Variants in PARD3B observed in about 807,000 individuals in gnomAD.
PARD3B encodes par-3 family cell polarity regulator beta.
Under a neutral mutation model 130.2 loss-of-function variants are expected in PARD3B, and 103 were observed. That is an observed-to-expected ratio of 0.79 (90% CI 0.67 to 0.93). The LOEUF (loss-of-function observed/expected upper bound fraction) is 0.93, where lower values mean the gene tolerates loss of function less well. Ranked by LOEUF, PARD3B falls within the 40% of genes least tolerant of loss-of-function variation. PARD3B has a pLI of 0.00. For missense variants in PARD3B, 1,609 were observed against 1,499.2 expected (o/e 1.07, Z -1.21); for synonymous variants, 583 against 553.2 (o/e 1.05, Z -0.76).
chr2:205,017,078 C>T (rs1696204378), intron 3 of PARD3B, among the ~76,000 whole-genome samples: 1 of 152,000 alleles, frequency 6.6e-6, no homozygotes, highest in Non-Finnish European at 1.5e-5. Context: ...TGCAGATAGT[C>T]TACTATGCAT....
intron 10 of PARD3B, among the ~76,000 whole-genome samples, chr2:205,154,958 G>A (rs1282840552): frequency 6.6e-6 from 1 of 151,990 alleles, no homozygotes; most frequent in Non-Finnish European, 1.5e-5. Context: ...ACAAATTAAT[G>A]GGTGCAGCAC....
intron 20 of PARD3B, among the ~76,000 whole-genome samples, chr2:205,486,681 G>A (rs2049455363): frequency 6.6e-6 from 1 of 151,982 alleles, no homozygotes; most frequent in African/African-American, 2.4e-5. Context: ...GAGGAAAGGC[G>A]CTACACACTT....
intron 19 of PARD3B, among the ~76,000 whole-genome samples, chr2:205,427,616 A>T (rs1160271913): frequency 1.3e-5 from 2 of 152,206 alleles, no homozygotes; most frequent in East Asian, 3.8e-4. Context: ...TTAAAGAAAC[A>T]AATATAGTTA....
chr2:205,029,824 G>A (rs1394423938), intron 3 of PARD3B, among the ~76,000 whole-genome samples: 1 of 152,176 alleles, frequency 6.6e-6, no homozygotes, highest in Non-Finnish European at 1.5e-5. Context: ...GGCTGTGGAA[G>A]TGTATTACCA....
rs148961052 is a variant in PARD3B at position 205,235,887 on chromosome 2, A to G, written c.2141-9891A>G. 6.4e-3 allele frequency among the ~76,000 whole-genome samples: 978 copies of G among 152,332 alleles called. 12 individuals are homozygous for G. Among genetic ancestry groups the G allele is most frequent in the African/African-American group, 0.022 (918 of 41,570 alleles). On this transcript the variant is annotated intron_variant, in intron 15 of 22. Coordinates refer to ENST00000406610, the MANE Select transcript of PARD3B (RefSeq NM_001302769.2). Reference sequence around the variant, plus strand: ...GAAATAAAAATTAGAGCAGAAATCAATGCGTTAGAAAAAATTTGGTAAAGT... The same window carrying G: ...GAAATAAAAATTAGAGCAGAAATCAGTGCGTTAGAAAAAATTTGGTAAAGT...
chr2:205,119,853 T>C (rs2125615974), intron 7 of PARD3B, among the ~76,000 whole-genome samples: 1 of 152,278 alleles, frequency 6.6e-6, no homozygotes, highest in South Asian at 2.1e-4. Context: ...GTTAAGGGAA[T>C]AGCTTCCTGT....
intron 18 of PARD3B, among the ~76,000 whole-genome samples, chr2:205,319,734 C>T (rs934332463): frequency 6.6e-6 from 1 of 152,164 alleles, no homozygotes; most frequent in Non-Finnish European, 1.5e-5. Context: ...GATTGCTGAG[C>T]TAATTCTTGA....
At chr2:204,796,505 A>G (rs948332958) in intron 2 of PARD3B, among the ~76,000 whole-genome samples, 1 of 152,232 alleles carries the variant, frequency 6.6e-6, no homozygotes, top group African/African-American at 2.4e-5. Context: ...CTCAGTGGCC[A>G]CTTTGTCCTT....
chr2:204,878,803 T>G (rs1186954592), intron 2 of PARD3B, among the ~76,000 whole-genome samples: 1 of 152,206 alleles, frequency 6.6e-6, no homozygotes, highest in Non-Finnish European at 1.5e-5. Context: ...GCAGAACTTT[T>G]TATTGTTAGC....
At chr2:204,784,374 T>A (rs554561062) in intron 2 of PARD3B, among the ~76,000 whole-genome samples, 2 of 152,282 alleles carry the variant, frequency 1.3e-5, no homozygotes, top group South Asian at 4.1e-4. Flanking sequence ...ATATTTTTGT[T>A]CGTTTTTGGC....
At chr2:204,872,710 A>G (rs529592562) in intron 2 of PARD3B, among the ~76,000 whole-genome samples, 10 of 152,350 alleles carry the variant, frequency 6.6e-5, no homozygotes, top group Middle Eastern at 3.4e-3. Flanking sequence ...CTTTAGCTCT[A>G]TGCTGTTCAC....
intron 16 of PARD3B, among the ~76,000 whole-genome samples, chr2:205,290,957 C>T (rs2041586360): frequency 6.6e-6 from 1 of 152,168 alleles, no homozygotes; most frequent in Admixed American, 6.5e-5. Context: ...TGATCTTGCA[C>T]TTCCCAGCCT....
At chr2:205,006,829 T>C (rs6704583) in intron 3 of PARD3B, among the ~76,000 whole-genome samples, 3,140 of 152,262 alleles carry the variant, frequency 0.021, 94 homozygotes, top group African/African-American at 0.071. Flanking sequence ...AGGTCCCACT[T>C]ATTTATTTAT....
At chr2:204,564,276 A>G (rs1016633471) in intron 1 of PARD3B, among the ~76,000 whole-genome samples, 18 of 152,330 alleles carry the variant, frequency 1.2e-4, no homozygotes, top group African/African-American at 3.6e-4. Context: ...AGCAGGTGCC[A>G]GATGAGTTTC....
At chr2:205,595,935 AAG>A (rs2054554275) in intron 22 of PARD3B, among the ~76,000 whole-genome samples, 1 of 152,062 alleles carries the variant, frequency 6.6e-6, no homozygotes, top group African/African-American at 2.4e-5. Flanking sequence ...ACAAAAAAAA[AAG>A]AAGAAGTAAT....
chr2:204,875,007 ACCTTGTGTTTTTAATTTATATCTC>A (rs1246607953), intron 2 of PARD3B, among the ~76,000 whole-genome samples: 1 of 152,114 alleles, frequency 6.6e-6, no homozygotes, highest in Non-Finnish European at 1.5e-5. Context: ...AAGAGATGAT[ACCTTGTGTTTTTAATTTATATCTC>A]CCTTATCATT....
intron 4 of PARD3B, among the ~76,000 whole-genome samples, chr2:205,083,907 A>G (rs1364970647): frequency 6.6e-6 from 1 of 152,124 alleles, no homozygotes; most frequent in African/African-American, 2.4e-5. Flanking sequence ...CCCATTTCAT[A>G]ATTTTACTTT....
chr2:205,373,365 C>T (rs184897929), intron 18 of PARD3B, among the ~76,000 whole-genome samples: 11 of 152,264 alleles, frequency 7.2e-5, no homozygotes, highest in East Asian at 3.9e-4. Flanking sequence ...CCTAAAACTG[C>T]GAACCATTTT....
chr2:205,104,242 CAGG>C (rs1703032479), intron 4 of PARD3B, among the ~76,000 whole-genome samples, 181 bp from the exon 5 acceptor site: 1 of 152,112 alleles, frequency 6.6e-6, no homozygotes, highest in Non-Finnish European at 1.5e-5. Flanking sequence ...AGAAACCAAA[CAGG>C]AGAGAAAAGA....
Sources: allele counts gnomAD v4.1 joint callset (sites outside exome capture counted in the v4.1 genomes callset), GRCh38; gene constraint gnomAD v4.1.1; transcripts MANE v1.5; gene names NCBI Gene and HGNC (gene_info 2026-07-23, HGNC 2026-07-21).